The following GRAMD4 variants were observed in gnomAD, a reference collection of about 807,000 sequenced individuals.
GRAMD4 encodes GRAM domain-containing protein 4.
Under a neutral mutation model 83.9 loss-of-function variants are expected in GRAMD4, and 25 were observed. That is an observed-to-expected ratio of 0.30 (90% CI 0.22 to 0.42). The LOEUF (loss-of-function observed/expected upper bound fraction) is 0.42, where lower values mean the gene tolerates loss of function less well. Among genes scored for constraint, GRAMD4 ranks in the 10% least tolerant of loss-of-function variants. The pLI is 1.00. For missense variants in GRAMD4, 593 were observed against 788.7 expected (o/e 0.75, Z 2.97); for synonymous variants, 336 against 320.9 (o/e 1.05, Z -0.50).
At chr22:46,681,800 A>G (rs2082672689), downstream of GRAMD4, among the ~76,000 whole-genome samples, 1 of 152,256 alleles carries the variant, frequency 6.6e-6, no homozygotes, top group Admixed American at 6.5e-5. Context: ...GAATGAGTAA[A>G]TAAATCAGAG....
chr22:46,644,112 TA>T (rs1270625476), intron 3 of GRAMD4, among the ~76,000 whole-genome samples: 17 of 152,278 alleles, frequency 1.1e-4, no homozygotes, highest in Non-Finnish European at 2.9e-5. Flanking sequence ...ACTTTCTGCA[TA>T]CTCACATTAT....
intron 1 of GRAMD4, among the ~76,000 whole-genome samples, chr22:46,608,469 G>A (rs763493285): frequency 6.6e-5 from 10 of 151,978 alleles, no homozygotes; most frequent in African/African-American, 1.5e-4. Flanking sequence ...ACCCGAGGTC[G>A]GGAGTTGGAG....
At chr22:46,670,988 C>A in intron 13 of GRAMD4, 1 of 379,996 alleles carries the variant, frequency 2.6e-6, no homozygotes, top group Admixed American at 2.6e-5. Flanking sequence ...CAGCGGTGAC[C>A]CTGCCAGGTG....
At chr22:46,650,304 G>A (rs530670661) in intron 3 of GRAMD4, among the ~76,000 whole-genome samples, 2 of 151,888 alleles carry the variant, frequency 1.3e-5, no homozygotes, top group Admixed American at 6.6e-5. Flanking sequence ...TTCCCTGTGC[G>A]CTGAGTGTCG....
intron 1 of GRAMD4, among the ~76,000 whole-genome samples, chr22:46,593,415 G>C (rs1461699194): frequency 6.6e-6 from 1 of 152,164 alleles, no homozygotes; most frequent in East Asian, 1.9e-4. Flanking sequence ...GGTGTTCTCT[G>C]ACTGCCTCTT....
chr22:46,617,189 C>T (rs1407745767), upstream of GRAMD4, among the ~76,000 whole-genome samples: 10 of 144,984 alleles, frequency 6.9e-5, no homozygotes, highest in African/African-American at 1.3e-4. Flanking sequence ...CGTGTAGGTT[C>T]CTCCGTGTGT....
rs1258315840 is a variant in GRAMD4 at position 46,621,461 on chromosome 22, G to A, written c.-50+896G>A. Among the ~76,000 whole-genome samples, 1 of 152,140 alleles carries A rather than the reference G, an allele frequency of 6.6e-6. No individual in the cohort carries two copies. The highest frequency in any genetic ancestry group is 1.5e-5 in the Non-Finnish European group (1 of 68,008). On this transcript the variant is annotated intron_variant, in intron 1 of 18. Transcript: ENST00000406902. This position sits in a 1 kb window ranked among gnomAD's most constrained non-coding sequence, Gnocchi z 5.8. ...GGCCGTGGAGGGCACCCCTACCCCG[G>A]TGCAGGCGCAGGCTGGAGGCGTAGC...
intron 3 of GRAMD4, among the ~76,000 whole-genome samples, chr22:46,655,987 G>C (rs1028224706): frequency 1.3e-5 from 2 of 152,276 alleles, no homozygotes; most frequent in Non-Finnish European, 2.9e-5. Flanking sequence ...GGGGCGGGGA[G>C]GGGGAGCTCT....
At chr22:46,616,853 T>C (rs1280226676), upstream of GRAMD4, among the ~76,000 whole-genome samples, 1 of 22,410 alleles carries the variant, frequency 4.5e-5, no homozygotes, top group Non-Finnish European at 9.5e-5. Context: ...TACGTTCCCC[T>C]GTGTGTAGGT....
At chr22:46,590,375 C>A (rs2147002283) in intron 1 of GRAMD4, among the ~76,000 whole-genome samples, 1 of 152,292 alleles carries the variant, frequency 6.6e-6, no homozygotes, top group Non-Finnish European at 1.5e-5. Flanking sequence ...GTCCTTCCTC[C>A]AGCCAGTCCT....
chr22:46,576,984 C>G (rs1033582504), upstream of GRAMD4: 1 of 144,840 alleles, frequency 6.9e-6, no homozygotes, highest in Admixed American at 6.8e-5. Context: ...ACCCCCGAGC[C>G]GGCCGCGGGG....
rs558519312 is a variant in GRAMD4 at position 46,665,423 on chromosome 22, C to T, written c.718-192C>T. ...CTAGGTGTCTCCTGGCTTCCACCGG[C>T]GGCTCTTAAACCGGGGAAGCAGCCC... On this transcript the variant is annotated intron_variant, in intron 8 of 18. Coordinates refer to ENST00000406902, the MANE Select transcript of GRAMD4 (RefSeq NM_015124.5). 9.2e-5 allele frequency among the ~76,000 whole-genome samples: 14 copies of T among 152,328 alleles called. No homozygotes were observed. In the South Asian group the frequency reaches 2.5e-3, roughly 27 times the overall value.
chr22:46,610,863 T>C (rs866130617), intron 1 of GRAMD4, among the ~76,000 whole-genome samples: 1 of 152,252 alleles, frequency 6.6e-6, no homozygotes. Context: ...CAGTAGTTTT[T>C]GCTTGCCTAC....
chr22:46,605,728 A>AT (rs2081358156), intron 1 of GRAMD4, among the ~76,000 whole-genome samples: 1 of 147,338 alleles, frequency 6.8e-6, no homozygotes, highest in African/African-American at 2.5e-5. Flanking sequence ...GCATGGGCCT[A>AT]TGGCCGGTGC....
At chr22:46,663,251 C>T (rs1346875216) in intron 6 of GRAMD4, 79 bp downstream of exon 6, 2 of 1,353,530 alleles carry the variant, frequency 1.5e-6, no homozygotes. Context: ...GGTGGGCCAT[C>T]CTTTATCACC....
chr22:46,654,976 C>T (rs2082220991), intron 3 of GRAMD4, among the ~76,000 whole-genome samples: 1 of 152,144 alleles, frequency 6.6e-6, no homozygotes, highest in Non-Finnish European at 1.5e-5. Context: ...GAGGAAAGAG[C>T]AGGACCCGTG....
rs1030674982 is a variant in GRAMD4, at chr22:46,620,895, C to T, written c.-50+330C>T. The stretch of plus-strand genomic sequence containing the variant: ...CTGACAGGACGAGAGGAAGGGAGGC[C>T]GATCTGAGAGGGAGGGAGGCCCATC... On this transcript the variant is annotated intron_variant, in intron 1 of 18. Coordinates refer to ENST00000406902, the MANE Select transcript of GRAMD4 (RefSeq NM_015124.5). The surrounding 1 kb of genome is among the most constrained non-coding windows in gnomAD (Gnocchi z 4.7). Among the ~76,000 whole-genome samples the T allele has an allele frequency of 3.3e-5, 5 of 152,036 alleles. No homozygotes were observed. The highest frequency in any genetic ancestry group is 4.2e-4 in the South Asian group (2 of 4,804).
chr22:46,609,693 T>C (rs1328763424), intron 1 of GRAMD4, among the ~76,000 whole-genome samples: 1 of 152,170 alleles, frequency 6.6e-6, no homozygotes, highest in Non-Finnish European at 1.5e-5. Flanking sequence ...GGATTCCGCA[T>C]TGTGGAGTGC....
chr22:46,598,037 A>G (rs1017975927), intron 1 of GRAMD4, among the ~76,000 whole-genome samples: 2 of 152,082 alleles, frequency 1.3e-5, no homozygotes, highest in African/African-American at 4.8e-5. Context: ...GCTGGAGTGC[A>G]GTGGCACAAT....
Sources: gnomAD v4.1 joint callset for allele counts (sites outside exome capture counted in the v4.1 genomes callset) on GRCh38, gnomAD v4.1.1 for gene constraint, Gnocchi (gnomAD v3.1) non-coding constraint, MANE v1.5 for transcripts, NCBI Gene and HGNC (gene_info 2026-07-23, HGNC 2026-07-21) for gene names.